CFHR1: variants seen among roughly 807,000 people sequenced by gnomAD.
The protein encoded by CFHR1 is complement factor H related 1, also known as complement factor H-related protein 1.
In CFHR1, 22 loss-of-function variants were observed where a neutral mutation model predicts 30.4. The observed-to-expected ratio is 0.72, with a 90% CI of 0.52 to 1.03. The LOEUF (loss-of-function observed/expected upper bound fraction) is 1.03, where lower values mean the gene tolerates loss of function less well. Among genes scored for constraint, CFHR1 ranks in the 50% least tolerant of loss-of-function variants. The pLI, the probability that CFHR1 is intolerant of heterozygous loss-of-function variation, is 0.00. For synonymous variants in CFHR1, 95 were observed against 129.1 expected (o/e 0.74, Z 1.79); for missense variants, 248 against 380.6 (o/e 0.65, Z 2.90).
At chr1:196,825,913 G>C in intron 2 of CFHR1, 1 of 357,984 alleles carries the variant, frequency 2.8e-6, no homozygotes, top group Non-Finnish European at 4.9e-6. Flanking sequence ...TTTTTAAACT[G>C]ATCTTTAATA....
Position 196,831,950 on chromosome 1 carries a change from C to G in CFHR1, c.944C>G (p.Thr315Arg). Residue 315 changes from threonine (T) to arginine (R), a missense_variant, in exon 6 of 6, where the codon ACA (threonine) becomes AGA (arginine). Thr to Arg is a moderately conservative substitution (Grantham distance 71). Around this residue, in one of 3 missense-constraint regions of CFHR1, gnomAD observed 112 missense variants for 156.4 expected, o/e 0.72. Transcript: ENST00000320493. ...TCATCACGTTCTCACACATTGCGAACAACATGTTGGGATGGGAAACTGGAG... is the reference window on the plus strand; with the variant it reads ...TCATCACGTTCTCACACATTGCGAAGAACATGTTGGGATGGGAAACTGGAG... ...RLSSRSHTLR[T>R]TCWDGKLEYP... 1 of 1,524,634 alleles carries G rather than the reference C, an allele frequency of 6.6e-7. No individual in the cohort carries two copies. The highest frequency in any genetic ancestry group is 8.9e-7 in the Non-Finnish European group (1 of 1,128,586). The allele number at this position is 1,524,634 out of a possible 1,614,324, so 94.4% of individuals were successfully genotyped here.
chr1:196,822,034 G>A (rs1655137546), intron 1 of CFHR1, among the ~76,000 whole-genome samples: 1 of 131,694 alleles, frequency 7.6e-6, no homozygotes, highest in Admixed American at 7.4e-5. Flanking sequence ...TAAAAATACA[G>A]TATAAAATAT....
chr1:196,826,726 C>A, intron 2 of CFHR1, 103 bp from the exon 3 acceptor site: 2 of 1,130,330 alleles, frequency 1.8e-6, no homozygotes, highest in South Asian at 1.5e-5. Context: ...CAGAGATTAC[C>A]AGAGTGAGCC....
chr1:196,828,349 T>G, intron 4 of CFHR1, 103 bp downstream of exon 4: 1 of 904,560 alleles, frequency 1.1e-6, no homozygotes, highest in Non-Finnish European at 1.6e-6. Flanking sequence ...ATTTTTCAAA[T>G]GCAAATAAAA....
chr1:196,823,905 T>C (rs2124886713), intron 1 of CFHR1, among the ~76,000 whole-genome samples: 1 of 134,284 alleles, frequency 7.4e-6, no homozygotes, highest in South Asian at 2.6e-4. Context: ...GGAAGTGGTA[T>C]ATAGGAAATC....
In CFHR1 at chr1:196,830,448, G is replaced by A. The variant is rs1298644807; in HGVS notation, c.608-52G>A. The A allele has an allele frequency of 8.0e-6, 12 of 1,496,004 alleles. 2 individuals carry two copies. The African/African-American group carries it at 1.9e-4, about 24-fold the overall frequency. 92.7% of individuals were successfully genotyped at this position (1,496,004 alleles called of 1,614,324 possible). On this transcript the variant is annotated intron_variant, in intron 4 of 5. Coordinates refer to ENST00000320493, the MANE Select transcript of CFHR1 (RefSeq NM_002113.3). ...GTTTGTATTTGCCTTATTTGAACTT[G>A]TATTTTGATTTGCTCTCACAATAAA...
intron 1 of CFHR1, among the ~76,000 whole-genome samples, chr1:196,823,227 G>A (rs1046729190): frequency 2.2e-5 from 3 of 133,746 alleles, no homozygotes; most frequent in Non-Finnish European, 4.7e-5. Context: ...GTGTAAAGGA[G>A]GCTTGCAAGA....
intron 1 of CFHR1, among the ~76,000 whole-genome samples, chr1:196,822,079 G>T (rs1314205255): frequency 7.5e-6 from 1 of 132,546 alleles, no homozygotes; most frequent in Non-Finnish European, 1.6e-5. Context: ...CTTTTACCAT[G>T]AATAGGGTGT....
intron 1 of CFHR1, among the ~76,000 whole-genome samples, chr1:196,822,516 T>C (rs1252995762): frequency 7.5e-6 from 1 of 133,382 alleles, no homozygotes; most frequent in African/African-American, 3.2e-5. Context: ...TACTTATTTA[T>C]TTACTTTTTA....
chr1:196,826,681 C>T lies in CFHR1; in HGVS notation c.254-148C>T, dbSNP rs1183616921. The T allele has an allele frequency of 1.9e-5, 14 of 741,824 alleles. 5 individuals are homozygous for T. The highest frequency in any genetic ancestry group is 7.0e-5 in the African/African-American group (3 of 42,692). The allele number at this position is 741,824 out of a possible 1,614,324, so 46.0% of individuals were successfully genotyped here. A position where few individuals can be genotyped will look rare whatever the true frequency, so the allele number is the denominator to read the frequency against. On this transcript the variant is annotated intron_variant, in intron 2 of 5. Coordinates refer to ENST00000320493, the MANE Select transcript of CFHR1 (RefSeq NM_002113.3). ...GCCAGGCAGGTCTCGAACTCCTGGCCTCAAGTGATCCACTCGCCTCAGCCT... is the reference window on the plus strand; with the variant it reads ...GCCAGGCAGGTCTCGAACTCCTGGCTTCAAGTGATCCACTCGCCTCAGCCT...
intron 1 of CFHR1, chr1:196,821,029 G>A (rs398000): frequency 2.2e-5 from 3 of 135,888 alleles, no homozygotes; most frequent in Non-Finnish European, 4.6e-5. Flanking sequence ...AGTAGAGATG[G>A]GGTTTCTCCA....
chr1:196,821,909 G>T (rs957399747), intron 1 of CFHR1, among the ~76,000 whole-genome samples: 3 of 116,106 alleles, frequency 2.6e-5, no homozygotes. Flanking sequence ...AGGCCATATG[G>T]TATAGCCTGT....
intron 3 of CFHR1, among the ~76,000 whole-genome samples, chr1:196,827,672 A>G (rs568573974): frequency 7.4e-6 from 1 of 134,414 alleles, no homozygotes; most frequent in East Asian, 2.0e-4. Context: ...GATTGCAAAC[A>G]AAAATCTGGT....
At chr1:196,825,341 A>G (rs1655281489) in intron 1 of CFHR1, 136 bp from the exon 2 acceptor site, 1 of 633,864 alleles carries the variant, frequency 1.6e-6, no homozygotes, top group Non-Finnish European at 2.5e-6. Context: ...TAATTTGTAC[A>G]CTGGAAAGCA....
chr1:196,824,128 G>C lies in CFHR1; in HGVS notation c.59-1349G>C, dbSNP rs1655229489. Among the ~76,000 whole-genome samples the C allele has an allele frequency of 2.2e-5, 3 of 134,542 alleles. 1 individual carries two copies. The highest frequency in any genetic ancestry group is 2.2e-4 in the Admixed American group (3 of 13,934). 88.3% of individuals were successfully genotyped at this position (134,542 alleles called of 152,430 possible). A position where few individuals can be genotyped will look rare whatever the true frequency, so the allele number is the denominator to read the frequency against. On this transcript the variant is annotated intron_variant, in intron 1 of 5. Coordinates refer to ENST00000320493, the MANE Select transcript of CFHR1 (RefSeq NM_002113.3). ...TACAGTAGTCCTTTAGCATCCTCAA[G>C]GAATTGGTTCCAGGACGCTACCCAC...
Position 196,823,519 on chromosome 1 carries a change from C to G in CFHR1, c.59-1958C>G, listed in dbSNP as rs1278518525. 3.7e-5 allele frequency among the ~76,000 whole-genome samples: 5 copies of G among 135,008 alleles called. 1 individual carries two copies. Among genetic ancestry groups the G allele is most frequent in the Non-Finnish European group, 6.2e-5 (4 of 64,292 alleles). 88.6% of individuals were successfully genotyped at this position (135,008 alleles called of 152,430 possible). A position where few individuals can be genotyped will look rare whatever the true frequency, so the allele number is the denominator to read the frequency against. On this transcript the variant is annotated intron_variant, in intron 1 of 5. Transcript: ENST00000320493. The stretch of plus-strand genomic sequence containing the variant: ...AAACTATCTAATGTCAAATTTTAAA[C>G]AGTTAGATAATCAATTTCAGGTTTC...
intron 1 of CFHR1, 115 bp from the exon 2 acceptor site, chr1:196,825,362 A>G: frequency 1.3e-6 from 1 of 784,470 alleles, no homozygotes; most frequent in Non-Finnish European, 1.9e-6. Context: ...TTTAAGCTAA[A>G]GGCATTTAAG....
chr1:196,821,286 G>A lies in CFHR1; in HGVS notation c.58+1384G>A, dbSNP rs1304983642. The A allele has an allele frequency of 4.9e-5, 6 of 122,542 alleles. 2 individuals carry two copies. Among genetic ancestry groups the A allele is most frequent in the African/African-American group, 2.0e-4 (5 of 25,238 alleles). The allele number at this position is 122,542 out of a possible 1,614,324, so 7.6% of individuals were successfully genotyped here. ...ACACCTATTACACATGGCATTACATGAGGATTTCTAAATAGGGGGGTAGCA... is the reference window on the plus strand; with the variant it reads ...ACACCTATTACACATGGCATTACATAAGGATTTCTAAATAGGGGGGTAGCA... On this transcript the variant is annotated intron_variant, in intron 1 of 5. Transcript: ENST00000320493.
chr1:196,824,536 G>A (rs1225912567), intron 1 of CFHR1, among the ~76,000 whole-genome samples: 1 of 131,878 alleles, frequency 7.6e-6, no homozygotes, highest in Non-Finnish European at 1.6e-5. Context: ...GGGATTACAG[G>A]CATGAGCTAC....
Sources: allele counts gnomAD v4.1 joint callset (sites outside exome capture counted in the v4.1 genomes callset), GRCh38; gene constraint gnomAD v4.1.1; regional missense constraint gnomAD v4.1.1; transcripts MANE v1.5; gene names NCBI Gene and HGNC (gene_info 2026-07-23, HGNC 2026-07-21).